CATSPERB: variants seen among roughly 807,000 people sequenced by gnomAD.
The protein encoded by CATSPERB is cation channel sperm-associated auxiliary subunit beta.
CATSPERB carries 93 observed loss-of-function variants against 128.3 expected under a neutral mutation model. The observed-to-expected ratio is 0.72, with a 90% CI of 0.61 to 0.86. CATSPERB has a LOEUF of 0.86. CATSPERB is among the 40% of genes least tolerant of loss of function. The pLI is 0.00. For missense variants in CATSPERB, 1,153 were observed against 1,329.5 expected (o/e 0.87, Z 2.06); for synonymous variants, 381 against 448.8 (o/e 0.85, Z 1.91).
At chr14:91,694,947 G>A (rs945635893) in intron 7 of CATSPERB, among the ~76,000 whole-genome samples, 1 of 152,102 alleles carries the variant, frequency 6.6e-6, no homozygotes, top group African/African-American at 2.4e-5. Flanking sequence ...TTCCAAAAGA[G>A]GACATTTGTA....
At position 91,695,229 on chromosome 14, in the gene CATSPERB, G is replaced by A. The variant is rs192382146; in HGVS notation, c.617-1750C>T. ...ACTGCAACCTTCGCCTCCCAGGTTC[G>A]AGCAATTCTCGTGCCTCATCCTCCT... On this transcript the variant is annotated intron_variant, in intron 7 of 26. Transcript: ENST00000256343. 8.6e-3 allele frequency among the ~76,000 whole-genome samples: 1,303 copies of A among 150,950 alleles called. 10 individuals carry two copies. Among genetic ancestry groups the A allele is most frequent in the Middle Eastern group, 0.058 (17 of 294 alleles).
intron 26 of CATSPERB, among the ~76,000 whole-genome samples, chr14:91,582,355 A>G (rs889716170): frequency 6.6e-6 from 1 of 152,194 alleles, no homozygotes; most frequent in African/African-American, 2.4e-5. Context: ...CTTTCTTCTA[A>G]ATAACCTTAT....
chr14:91,660,837 C>G (rs12895718), intron 14 of CATSPERB, among the ~76,000 whole-genome samples: 44,454 of 151,914 alleles, frequency 0.29, 7,353 homozygotes, highest in Admixed American at 0.48. Flanking sequence ...ACCAGTTAAT[C>G]GGTTTGAAAA....
At chr14:91,670,544 T>C (rs1404738417) in intron 13 of CATSPERB, among the ~76,000 whole-genome samples, 1 of 151,636 alleles carries the variant, frequency 6.6e-6, no homozygotes, top group Non-Finnish European at 1.5e-5. Context: ...TAGCCAGGCA[T>C]GGTGGCATGA....
At chr14:91,661,390 A>G (rs1894879859) in intron 14 of CATSPERB, among the ~76,000 whole-genome samples, 1 of 151,964 alleles carries the variant, frequency 6.6e-6, no homozygotes, top group Non-Finnish European at 1.5e-5. Flanking sequence ...TGAACATTTA[A>G]AAGTTGTACC....
intron 15 of CATSPERB, among the ~76,000 whole-genome samples, chr14:91,646,851 T>C (rs1193510824): frequency 6.6e-6 from 1 of 152,266 alleles, no homozygotes; most frequent in Non-Finnish European, 1.5e-5. Flanking sequence ...ATATTTGCTA[T>C]AGCTTCTTTC....
intron 15 of CATSPERB, among the ~76,000 whole-genome samples, chr14:91,644,203 C>T (rs1232817770): frequency 7.8e-6 from 1 of 127,522 alleles, no homozygotes; most frequent in Non-Finnish European, 1.7e-5. Context: ...GAATTTAGTC[C>T]ATTTACATTT....
At position 91,621,590 on chromosome 14, in the gene CATSPERB, C is replaced by G; in HGVS notation, c.2260+18G>C. On this transcript the variant is annotated intron_variant, in intron 19 of 26. Transcript: ENST00000256343. ...AATAACATTTCCTTTTTATATTTTC[C>G]GATCAAAACAAACTTACCTTTTGCA... The G allele has an allele frequency of 6.7e-7, 1 of 1,503,162 alleles. No homozygotes were observed. The highest frequency in any genetic ancestry group is 2.0e-4 in the Middle Eastern group (1 of 4,922). The allele number at this position is 1,503,162 out of a possible 1,614,324, so 93.1% of individuals were successfully genotyped here. A position where few individuals can be genotyped will look rare whatever the true frequency, so the allele number is the denominator to read the frequency against.
chr14:91,587,187 G>C lies in CATSPERB; in HGVS notation c.3132+15C>G, dbSNP rs774201027. 2 of 1,587,148 alleles carry C rather than the reference G, an allele frequency of 1.3e-6. No individual in the cohort carries two copies. Among genetic ancestry groups the C allele is most frequent in the South Asian group, 1.1e-5 (1 of 87,684 alleles). On this transcript the variant is annotated intron_variant, in intron 26 of 26. Coordinates refer to ENST00000256343, the MANE Select transcript of CATSPERB (RefSeq NM_024764.4). Reference sequence around the variant, plus strand: ...CCAGCCATCACCCCTCTGATGCCAAGTGCATCCATTTTACCTGAAATTCTT... The same window carrying C: ...CCAGCCATCACCCCTCTGATGCCAACTGCATCCATTTTACCTGAAATTCTT...
At chr14:91,712,642 T>C (rs1321166838) in intron 5 of CATSPERB, among the ~76,000 whole-genome samples, 1 of 152,244 alleles carries the variant, frequency 6.6e-6, no homozygotes, top group Non-Finnish European at 1.5e-5. Context: ...AATAAATTTT[T>C]ACTTTATAAT....
At chr14:91,667,047 C>A (rs571053405) in intron 14 of CATSPERB, among the ~76,000 whole-genome samples, 1 of 152,342 alleles carries the variant, frequency 6.6e-6, no homozygotes, top group South Asian at 2.1e-4. Context: ...CCTCTTCCCC[C>A]AGGGGCCAGC....
chr14:91,672,130 A>G (rs1464074891), intron 13 of CATSPERB, among the ~76,000 whole-genome samples: 1 of 152,070 alleles, frequency 6.6e-6, no homozygotes, highest in Non-Finnish European at 1.5e-5. Flanking sequence ...ATGTAAATAA[A>G]CTGTTTTCTC....
At position 91,639,250 on chromosome 14, in the gene CATSPERB, C is replaced by T. The variant is rs999372399; in HGVS notation, c.1433G>A (p.Gly478Glu). 3.7e-6 allele frequency: 6 copies of T among 1,611,918 alleles called. No individual in the cohort carries two copies. The highest frequency in any genetic ancestry group is 1.3e-5 in the African/African-American group (1 of 74,840). ...TCCGACTGCACTGTATCTTCCCATTCCTATTAGGAAATACAGAGAAGTGTC... is the reference window on the plus strand; with the variant it reads ...TCCGACTGCACTGTATCTTCCCATTTCTATTAGGAAATACAGAGAAGTGTC... ...QRGKVYSTKA[G>E]MGRYSAVGSV... Residue 478 changes from glycine to glutamate, a missense_variant and splice_region_variant, in exon 16 of 27, where the codon GGA (glycine) becomes GAA (glutamate). Gly to Glu is a moderately conservative substitution (Grantham distance 98, BLOSUM62 -2). Coordinates refer to ENST00000256343, the MANE Select transcript of CATSPERB (RefSeq NM_024764.4).
At chr14:91,637,500 A>G (rs1894396710) in intron 16 of CATSPERB, among the ~76,000 whole-genome samples, 1 of 152,184 alleles carries the variant, frequency 6.6e-6, no homozygotes, top group Admixed American at 6.5e-5. Context: ...TATCCTAGGG[A>G]AAGTGTATGC....
intron 11 of CATSPERB, among the ~76,000 whole-genome samples, chr14:91,682,595 T>C (rs1405660958): frequency 6.6e-6 from 1 of 152,154 alleles, no homozygotes; most frequent in Non-Finnish European, 1.5e-5. Flanking sequence ...TATCCTTTGA[T>C]TGGACTGGCA....
chr14:91,606,392 G>A (rs1485626295), intron 22 of CATSPERB, among the ~76,000 whole-genome samples: 1 of 151,610 alleles, frequency 6.6e-6, no homozygotes, highest in African/African-American at 2.4e-5. Context: ...GCAAAACCCC[G>A]TCTCTACTAA....
chr14:91,680,360 C>T (rs1895259530), intron 11 of CATSPERB, among the ~76,000 whole-genome samples: 1 of 152,152 alleles, frequency 6.6e-6, no homozygotes, highest in African/African-American at 2.4e-5. Context: ...AAACTTAGTT[C>T]AGAACCTCCA....
At chr14:91,601,231 G>T (rs1442293173) in intron 22 of CATSPERB, among the ~76,000 whole-genome samples, 7 of 152,136 alleles carry the variant, frequency 4.6e-5, no homozygotes, top group African/African-American at 1.7e-4. Context: ...AATTACTAAA[G>T]AAAGTATTGC....
At chr14:91,676,523 CT>C (rs11351465) in intron 11 of CATSPERB, among the ~76,000 whole-genome samples, 20,754 of 147,032 alleles carry the variant, frequency 0.14, 1,636 homozygotes, top group African/African-American at 0.2. Context: ...TCTCTATCTT[CT>C]TTTTTTTTTT....
Sources: gnomAD v4.1 joint callset for allele counts (sites outside exome capture counted in the v4.1 genomes callset) on GRCh38, gnomAD v4.1.1 for gene constraint, MANE v1.5 for transcripts, NCBI Gene and HGNC (gene_info 2026-07-23, HGNC 2026-07-21) for gene names.